Variants in TCF4 observed in about 807,000 individuals in gnomAD.
TCF4 encodes SL3-3 enhancer factor 2.
A neutral mutation model predicts 82.1 loss-of-function variants in TCF4; 3 were observed. That is an observed-to-expected ratio of 0.04 (90% CI 0.02 to 0.09). The LOEUF (loss-of-function observed/expected upper bound fraction) is 0.09. Among genes scored for constraint, TCF4 ranks in the 10% least tolerant of loss-of-function variants. TCF4 has a pLI of 1.00. For missense variants in TCF4, 518 were observed against 852.7 expected (o/e 0.61, Z 4.89); for synonymous variants, 276 against 309.6 (o/e 0.89, Z 1.14).
intron 6 of TCF4, among the ~76,000 whole-genome samples, chr18:55,399,888 A>T (rs943913467): frequency 0.025 from 3,117 of 127,068 alleles, 40 homozygotes; most frequent in African/African-American, 0.041. Flanking sequence ...TCTCACACAC[A>T]CACACACACA....
At chr18:55,607,320 G>A (rs553063631) in intron 2 of TCF4, among the ~76,000 whole-genome samples, 3 of 152,232 alleles carry the variant, frequency 2.0e-5, no homozygotes, top group South Asian at 2.1e-4. Context: ...TAGGTCAAAC[G>A]ATCAATTGAA....
intron 5 of TCF4, among the ~76,000 whole-genome samples, chr18:55,441,608 G>A (rs918329049): frequency 3.3e-5 from 5 of 152,074 alleles, no homozygotes. Context: ...AACAGCTTGA[G>A]CTAGATGGTA....
At chr18:55,463,963 T>C (rs2095937312) in intron 4 of TCF4, 113 bp downstream of exon 4, 3 of 816,370 alleles carry the variant, frequency 3.7e-6, no homozygotes, top group African/African-American at 3.9e-5. Context: ...TGTGTGTGTG[T>C]GTGTGTGTGT....
intron 8 of TCF4, among the ~76,000 whole-genome samples, chr18:55,302,968 A>G (rs1251510355): frequency 6.6e-6 from 1 of 152,198 alleles, no homozygotes; most frequent in African/African-American, 2.4e-5. Flanking sequence ...AAGAGAGCCC[A>G]GTTGTCAAAA....
chr18:55,289,194 C>A (rs1377883228), intron 8 of TCF4, among the ~76,000 whole-genome samples: 1 of 152,182 alleles, frequency 6.6e-6, no homozygotes, highest in Non-Finnish European at 1.5e-5. Context: ...CCAGGTGAAA[C>A]CCTGACTTCT....
rs2093496952 is a variant in TCF4 at position 55,396,477 on chromosome 18, T to A, written c.369+6977A>T. ...GACTGAGGCAGGGATTATTAGCTGA[T>A]CCCTGATAGCGCAGCTTCACAGAGC... is the stretch of plus-strand genomic sequence containing the variant. On this transcript the variant is annotated intron_variant, in intron 6 of 19. Transcript: ENST00000354452. Among the ~76,000 whole-genome samples the A allele has an allele frequency of 2.0e-5, 3 of 152,164 alleles. No individual in the cohort carries two copies. In the South Asian group the frequency reaches 6.2e-4, roughly 31 times the overall value.
chr18:55,348,516 A>T (rs2144700270), intron 8 of TCF4, among the ~76,000 whole-genome samples: 1 of 152,282 alleles, frequency 6.6e-6, no homozygotes, highest in South Asian at 2.1e-4. Context: ...AGAAAGGAAA[A>T]TTATTTTTAT....
chr18:55,361,746 G>A (rs549789316), intron 6 of TCF4, among the ~76,000 whole-genome samples: 9 of 152,296 alleles, frequency 5.9e-5, no homozygotes, highest in African/African-American at 2.2e-4. Context: ...AGCCCAGGAT[G>A]CCACTCAGTA....
rs748555967 is a variant in TCF4 at position 55,269,902 on chromosome 18, T to C, written c.851A>G (p.His284Arg). 1.9e-6 allele frequency: 3 copies of C among 1,613,318 alleles called. No homozygotes were observed. The highest frequency in any genetic ancestry group is 2.5e-6 in the Non-Finnish European group (3 of 1,179,506). ...NSSLPPMSTF[H>R]RSGTNHYSTS... ...GCTGTAATGGTTTGTACCACTACGA[T>C]GGAAAGTGGACATCGGAGGAAGACT... Residue 284 changes from histidine to arginine, a missense_variant, in exon 11 of 20, where the codon CAT becomes CGT. By Grantham distance (29) the His-to-Arg change is conservative. Transcript: ENST00000354452.
intron 6 of TCF4, among the ~76,000 whole-genome samples, chr18:55,385,714 A>G (rs895617759): frequency 3.9e-5 from 6 of 152,176 alleles, no homozygotes; most frequent in African/African-American, 1.4e-4. Context: ...ATTACTTCTA[A>G]AAGACCACTG....
chr18:55,405,844 G>A (rs535900595), intron 5 of TCF4, among the ~76,000 whole-genome samples: 1 of 152,254 alleles, frequency 6.6e-6, no homozygotes, highest in Non-Finnish European at 1.5e-5. Context: ...ATGGAACCCA[G>A]CATTCTTTAC....
Position 55,224,072 on chromosome 18 carries a change from G to A in TCF4, c.*3963C>T, listed in dbSNP as rs1381952413. On this transcript the variant is annotated 3_prime_UTR_variant, in exon 20 of 20. Transcript: ENST00000354452. ...ATTTAGTTTTTTTTTTTTCCTACTA[G>A]GGTGTACTACAGTCTATTTTATAGC... 1.3e-5 allele frequency: 2 copies of A among 149,888 alleles called. No homozygotes were observed. The highest frequency in any genetic ancestry group is 3.0e-5 in the Non-Finnish European group (2 of 67,656). 9.3% of individuals were successfully genotyped at this position (149,888 alleles called of 1,614,324 possible). A position where few individuals can be genotyped will look rare whatever the true frequency, so the allele number is the denominator to read the frequency against.
chr18:55,582,080 C>A (rs2097580169), intron 3 of TCF4, among the ~76,000 whole-genome samples: 1 of 152,038 alleles, frequency 6.6e-6, no homozygotes, highest in South Asian at 2.1e-4. Flanking sequence ...GATGTCAAAG[C>A]TAGGATGTTT....
chr18:55,533,705 TACAAC>T (rs1253936358), intron 3 of TCF4, among the ~76,000 whole-genome samples: 1 of 152,224 alleles, frequency 6.6e-6, no homozygotes, highest in Non-Finnish European at 1.5e-5. Flanking sequence ...ACAAAAACAG[TACAAC>T]ACAAGTTTCT....
At chr18:55,478,321 G>A (rs535147679) in intron 3 of TCF4, among the ~76,000 whole-genome samples, 1 of 152,308 alleles carries the variant, frequency 6.6e-6, no homozygotes, top group Non-Finnish European at 1.5e-5. Context: ...TAGCCACTAA[G>A]CCAGATTTTA....
chr18:55,254,349 G>A (rs1434440897), intron 15 of TCF4, 148 bp downstream of exon 15: 1 of 763,776 alleles, frequency 1.3e-6, no homozygotes. Flanking sequence ...TAAAACACTT[G>A]AATTGTACAC....
chr18:55,344,605 T>C (rs978280129), intron 8 of TCF4, among the ~76,000 whole-genome samples: 2 of 152,198 alleles, frequency 1.3e-5, no homozygotes, highest in African/African-American at 4.8e-5. Flanking sequence ...CTATTATTGT[T>C]TATGTTAGCA....
At chr18:55,245,708 C>G (rs1231552398) in intron 15 of TCF4, among the ~76,000 whole-genome samples, 1 of 152,166 alleles carries the variant, frequency 6.6e-6, no homozygotes, top group African/African-American at 2.4e-5. Flanking sequence ...TATCCTGTCT[C>G]TAATTGTTGA....
intron 5 of TCF4, among the ~76,000 whole-genome samples, chr18:55,429,617 C>T (rs928420028): frequency 1.3e-5 from 2 of 151,722 alleles, no homozygotes; most frequent in South Asian, 2.1e-4. Context: ...AAAAATTAGC[C>T]GGGCATGGTG....
Sources: allele counts gnomAD v4.1 joint callset (sites outside exome capture counted in the v4.1 genomes callset), GRCh38; gene constraint gnomAD v4.1.1; transcripts MANE v1.5; gene names NCBI Gene and HGNC (gene_info 2026-07-23, HGNC 2026-07-21).